The following MPV17 variants were observed in gnomAD, a reference collection of about 807,000 sequenced individuals.
MPV17 encodes the protein MPV17, mitochondrial inner membrane protein.
A neutral mutation model predicts 28.6 loss-of-function variants in MPV17; 31 were observed. The observed-to-expected ratio is 1.08, with a 90% CI of 0.81 to 1.46. MPV17 has a LOEUF of 1.46. MPV17 is among the 40% of genes most tolerant of loss of function. The pLI is 0.00. For missense variants in MPV17, 198 were observed against 216.2 expected, an observed-to-expected ratio of 0.92 and a Z score of 0.53; for synonymous variants, 87 against 85.3, an observed-to-expected ratio of 1.02 and a Z score of -0.11.
chr2:27,311,405 C>T, intron 7 of MPV17: 1 of 631,684 alleles, frequency 1.6e-6, no homozygotes, highest in Non-Finnish European at 2.7e-6. Flanking sequence ...CATTTTGGCC[C>T]TGTTCCCTCT....
intron 2 of MPV17, among the ~76,000 whole-genome samples, chr2:27,319,490 A>G (rs1679775833): frequency 7.0e-6 from 1 of 142,660 alleles, no homozygotes; most frequent in Non-Finnish European, 1.6e-5. Context: ...GGATGGGATC[A>G]TGCCACTGCA....
At chr2:27,320,288 C>T (rs541329987) in intron 2 of MPV17, among the ~76,000 whole-genome samples, 1 of 151,362 alleles carries the variant, frequency 6.6e-6, no homozygotes, top group East Asian at 1.9e-4. Flanking sequence ...CAGTGATACT[C>T]CTATACTGAC....
chr2:27,321,692 A>T (rs1045086397), intron 2 of MPV17, among the ~76,000 whole-genome samples: 1 of 152,216 alleles, frequency 6.6e-6, no homozygotes, highest in Non-Finnish European at 1.5e-5. Flanking sequence ...CAGGTAGGTC[A>T]CTGCATTACC....
intron 1 of MPV17, among the ~76,000 whole-genome samples, 194 bp from the exon 2 acceptor site, chr2:27,322,716 G>T (rs1300107641): frequency 6.6e-6 from 1 of 152,234 alleles, no homozygotes; most frequent in Non-Finnish European, 1.5e-5. Flanking sequence ...GGGGAAGAGA[G>T]AAAGGCTGTG....
chr2:27,312,448 T>A, intron 5 of MPV17, 46 bp downstream of exon 5: 2 of 1,595,718 alleles, frequency 1.3e-6, no homozygotes, highest in Admixed American at 1.7e-5. Context: ...TCCCCTGGGC[T>A]GTCAGCCCGC....
intron 2 of MPV17, among the ~76,000 whole-genome samples, chr2:27,318,069 CTT>C (rs746744519): frequency 1.5e-4 from 20 of 137,362 alleles, no homozygotes; most frequent in Admixed American, 3.7e-4. Flanking sequence ...TCTTTCTTTT[CTT>C]TTTTTTTTTT....
At chr2:27,313,932 G>GA (rs1679553811) in intron 2 of MPV17, among the ~76,000 whole-genome samples, 1 of 152,136 alleles carries the variant, frequency 6.6e-6, no homozygotes, top group African/African-American at 2.4e-5. Flanking sequence ...GGCTGATCTT[G>GA]AACCCCTGAC....
At chr2:27,314,982 G>A (rs894792392) in intron 2 of MPV17, among the ~76,000 whole-genome samples, 3 of 152,174 alleles carry the variant, frequency 2.0e-5, no homozygotes, top group Non-Finnish European at 2.9e-5. Context: ...GGCTCACCTC[G>A]GCTACTGGCC....
chr2:27,314,119 G>A (rs1020585887), intron 2 of MPV17, among the ~76,000 whole-genome samples: 1 of 152,120 alleles, frequency 6.6e-6, no homozygotes, highest in Non-Finnish European at 1.5e-5. Flanking sequence ...GAGCCCAAGA[G>A]TTTGAGTCCA....
chr2:27,309,828 G>A lies in MPV17; in HGVS notation c.*84C>T, dbSNP rs1385329238. 1 of 1,153,426 alleles carries A rather than the reference G, an allele frequency of 8.7e-7. No individual in the cohort carries two copies. Among genetic ancestry groups the A allele is most frequent in the South Asian group, 1.3e-5 (1 of 79,410 alleles). 71.4% of individuals were successfully genotyped at this position (1,153,426 alleles called of 1,614,324 possible). A position where few individuals can be genotyped will look rare whatever the true frequency, so the allele number is the denominator to read the frequency against. On this transcript the variant is annotated 3_prime_UTR_variant, in exon 8 of 8. Coordinates refer to ENST00000380044, the MANE Select transcript of MPV17 (RefSeq NM_002437.5). ...CGGCAACCCAACCCCGTGGAAACTG[G>A]TATGCCCACTTTGAGGAGGTTGTCT...
chr2:27,321,227 G>C (rs73924414), intron 2 of MPV17, among the ~76,000 whole-genome samples: 5 of 152,182 alleles, frequency 3.3e-5, no homozygotes, highest in African/African-American at 9.7e-5. Context: ...AGGGCCCAGC[G>C]TGTCAGTTCC....
In MPV17 at chr2:27,312,294, C is replaced by T. The variant is rs746381745; in HGVS notation, c.376-48G>A. The T allele has an allele frequency of 3.1e-6, 5 of 1,593,798 alleles. 1 individual carries two copies. The South Asian group carries it at 5.5e-5, about 18-fold the overall frequency. On this transcript the variant is annotated intron_variant, in intron 5 of 7. Transcript: ENST00000380044. ...AATTAACACTTGCGCCTCCAAGCAG[C>T]TCCCACTTCCCAGTATGAATGTCAC...
rs192718287 is a variant in MPV17 at position 27,318,804 on chromosome 2, G to A, written c.70+3644C>T. On this transcript the variant is annotated intron_variant, in intron 2 of 7. Coordinates refer to ENST00000380044, the MANE Select transcript of MPV17 (RefSeq NM_002437.5). ...TTTGGAGATGGAGTCTCGCTCTGTC[G>A]CCCAGGCTGGAGTGCTGTAGCGCAA... Among the ~76,000 whole-genome samples the A allele has an allele frequency of 1.2e-3, 186 of 151,228 alleles. 2 individuals carry two copies. The highest frequency in any genetic ancestry group is 6.8e-3 in the Middle Eastern group (2 of 294).
chr2:27,317,070 C>G lies in MPV17; in HGVS notation c.71-3961G>C, dbSNP rs1679681294. 1 of 1,545,540 alleles carries G rather than the reference C, an allele frequency of 6.5e-7. No homozygotes were observed. The highest frequency in any genetic ancestry group is 1.2e-5 in the South Asian group (1 of 83,470). ...TCCCTACTTCTCCTATTTTGTTCCT[C>G]TACTTACTTTTGTGGCTTTTGAGTT... On this transcript the variant is annotated intron_variant, in intron 2 of 7. Coordinates refer to ENST00000380044, the MANE Select transcript of MPV17 (RefSeq NM_002437.5). The surrounding 1 kb of genome is among the most constrained non-coding windows in gnomAD (Gnocchi z 4.0).
At chr2:27,320,500 C>T (rs546305574) in intron 2 of MPV17, among the ~76,000 whole-genome samples, 2 of 152,098 alleles carry the variant, frequency 1.3e-5, no homozygotes, top group African/African-American at 2.4e-5. Context: ...CCATACCCGG[C>T]TAATTTTGTA....
rs1213871684 is a variant in MPV17 at position 27,317,269 on chromosome 2, T to G, written c.71-4160A>C. 1.3e-6 allele frequency: 2 copies of G among 1,513,770 alleles called. No individual in the cohort carries two copies. The highest frequency in any genetic ancestry group is 4.3e-5 in the Admixed American group (2 of 46,524). 93.8% of individuals were successfully genotyped at this position (1,513,770 alleles called of 1,614,324 possible). ...TTAGTTAGCTGCCTAGGATAGGGGCTCAGTCTGGCACAGAGCCCAGAGGGA... is the reference window on the plus strand; with the variant it reads ...TTAGTTAGCTGCCTAGGATAGGGGCGCAGTCTGGCACAGAGCCCAGAGGGA... On this transcript the variant is annotated intron_variant, in intron 2 of 7. Coordinates refer to ENST00000380044, the MANE Select transcript of MPV17 (RefSeq NM_002437.5). The surrounding 1 kb of genome is among the most constrained non-coding windows in gnomAD (Gnocchi z 4.0).
intron 2 of MPV17, chr2:27,316,034 C>T: frequency 1.3e-6 from 2 of 1,548,440 alleles, no homozygotes; most frequent in Non-Finnish European, 1.7e-6. Context: ...GTGGCTGCTC[C>T]CCTGCTGGGT....
At chr2:27,313,898 G>T (rs1679552716) in intron 2 of MPV17, among the ~76,000 whole-genome samples, 1 of 152,122 alleles carries the variant, frequency 6.6e-6, no homozygotes, top group African/African-American at 2.4e-5. Flanking sequence ...TTTTAGTAGA[G>T]ATGGGGTTTT....
chr2:27,322,555 A>G (rs753363128), intron 1 of MPV17, 33 bp from the exon 2 acceptor site: 1 of 1,581,322 alleles, frequency 6.3e-7, no homozygotes, highest in Non-Finnish European at 8.7e-7. Context: ...GGTCACCCCC[A>G]CCGTCCCTCT....
Sources: gnomAD v4.1 joint callset for allele counts (sites outside exome capture counted in the v4.1 genomes callset) on GRCh38, gnomAD v4.1.1 for gene constraint, Gnocchi (gnomAD v3.1) non-coding constraint, MANE v1.5 for transcripts, NCBI Gene and HGNC (gene_info 2026-07-23, HGNC 2026-07-21) for gene names.